PTPN9: variants seen among roughly 807,000 people sequenced by gnomAD.
PTPN9 encodes the protein tyrosine-protein phosphatase non-receptor type 9.
A neutral mutation model predicts 69.8 loss-of-function variants in PTPN9; 26 were observed. The ratio of observed to expected loss-of-function variants is 0.37; its 90% CI spans 0.27 to 0.52. PTPN9 has a LOEUF of 0.52. Ranked by LOEUF, PTPN9 falls within the 20% of genes least tolerant of loss-of-function variation. The pLI, the probability that PTPN9 is intolerant of heterozygous loss-of-function variation, is 0.91. For missense variants in PTPN9, 549 were observed against 740.3 expected, an observed-to-expected ratio of 0.74 and a Z score of 3.00; for synonymous variants, 274 against 272.5, an observed-to-expected ratio of 1.01 and a Z score of -0.05.
At chr15:75,564,332 C>T (rs950061110) in intron 1 of PTPN9, among the ~76,000 whole-genome samples, 2 of 152,128 alleles carry the variant, frequency 1.3e-5, no homozygotes, top group Non-Finnish European at 1.5e-5. Context: ...CGGTGGCTCA[C>T]GCCTGTAATC....
At chr15:75,478,262 C>T (rs548172462) in intron 9 of PTPN9, among the ~76,000 whole-genome samples, 8 of 152,142 alleles carry the variant, frequency 5.3e-5, no homozygotes, top group African/African-American at 1.4e-4. Flanking sequence ...TGTGCCACCA[C>T]GCCCGGCTAA....
At chr15:75,501,205 C>T (rs1013943842) in intron 7 of PTPN9, among the ~76,000 whole-genome samples, 1 of 152,154 alleles carries the variant, frequency 6.6e-6, no homozygotes, top group African/African-American at 2.4e-5. Flanking sequence ...ACACTGACTA[C>T]ACTGGACAGG....
At chr15:75,527,017 G>A in intron 2 of PTPN9, 101 bp downstream of exon 2, 1 of 1,430,206 alleles carries the variant, frequency 7.0e-7, no homozygotes, top group Non-Finnish European at 9.7e-7. Flanking sequence ...TGAAAGTGAG[G>A]AGGAACACTT....
At chr15:75,554,485 C>T (rs936908015) in intron 1 of PTPN9, among the ~76,000 whole-genome samples, 2 of 151,938 alleles carry the variant, frequency 1.3e-5, no homozygotes, top group Non-Finnish European at 2.9e-5. Context: ...TGAGCCACCA[C>T]GCCTGGCCTT....
intron 1 of PTPN9, among the ~76,000 whole-genome samples, chr15:75,552,620 A>G (rs2141335912): frequency 6.6e-6 from 1 of 151,946 alleles, no homozygotes; most frequent in Non-Finnish European, 1.5e-5. Flanking sequence ...TGCGGCTCAG[A>G]TATGAGCTGA....
chr15:75,550,589 A>G (rs2075053010), intron 1 of PTPN9, among the ~76,000 whole-genome samples: 1 of 151,462 alleles, frequency 6.6e-6, no homozygotes, highest in Non-Finnish European at 1.5e-5. Context: ...GGAGTTCCAG[A>G]CCAGCCTGTC....
chr15:75,536,299 C>T (rs1231465352), intron 1 of PTPN9, among the ~76,000 whole-genome samples: 5 of 152,104 alleles, frequency 3.3e-5, no homozygotes, highest in South Asian at 4.1e-4. Flanking sequence ...CTTGGCCTTT[C>T]GCTAAGATCA....
chr15:75,574,276 T>G (rs1464276481), intron 1 of PTPN9, among the ~76,000 whole-genome samples: 1 of 138,386 alleles, frequency 7.2e-6, no homozygotes. Context: ...CAAAGTGAGA[T>G]CCTGTCTCCA....
rs2074537534 is a variant in PTPN9, at chr15:75,466,608, A to T, written c.*2161T>A. 1.3e-5 allele frequency: 2 copies of T among 152,238 alleles called. No individual in the cohort carries two copies. The highest frequency in any genetic ancestry group is 4.8e-5 in the African/African-American group (2 of 41,448). 9.4% of individuals were successfully genotyped at this position (152,238 alleles called of 1,614,324 possible). ...ACCCTTCGCGTCTACTACATGAAGCATGGGCACAAGAACAACAACCTGGAA... is the reference window on the plus strand; with the variant it reads ...ACCCTTCGCGTCTACTACATGAAGCTTGGGCACAAGAACAACAACCTGGAA... On this transcript the variant is annotated 3_prime_UTR_variant, in exon 13 of 13. Coordinates refer to ENST00000618819, the MANE Select transcript of PTPN9 (RefSeq NM_002833.4).
chr15:75,576,679 G>A (rs1281993150), intron 1 of PTPN9, among the ~76,000 whole-genome samples: 1 of 151,550 alleles, frequency 6.6e-6, no homozygotes, highest in African/African-American at 2.4e-5. Context: ...ATGGTGGCAG[G>A]CGCCTGTAAT....
At chr15:75,517,183 C>T (rs2074874893) in intron 5 of PTPN9, 76 bp downstream of exon 5, 27 of 1,116,084 alleles carry the variant, frequency 2.4e-5, no homozygotes, top group Non-Finnish European at 3.4e-5. Flanking sequence ...TTTCCTAAAT[C>T]TTTTCCCAAA....
At chr15:75,544,578 G>A (rs2075023629) in intron 1 of PTPN9, among the ~76,000 whole-genome samples, 1 of 151,902 alleles carries the variant, frequency 6.6e-6, no homozygotes, top group South Asian at 2.1e-4. Flanking sequence ...ACAAAAACAA[G>A]AAGCTCCTCA....
rs1567458643 is a variant in PTPN9, at chr15:75,468,781, C to T, written c.1770G>A (p.Val590=). ...GTTCGTAGGAGAGTTACTGACTCTC[C>T]ACGGCCAGCAGGTTTTGGCCAGAGG... The part of the protein sequence containing the change: ...MVSSGQNLLA[V]ESQ Residue 590 remains valine (V), a synonymous_variant, in exon 13 of 13, where the codon GTG becomes GTA. Transcript: ENST00000618819. 4 of 1,613,730 alleles carry T rather than the reference C, an allele frequency of 2.5e-6. No individual in the cohort carries two copies. The South Asian group carries it at 4.4e-5, about 18-fold the overall frequency.
intron 1 of PTPN9, among the ~76,000 whole-genome samples, chr15:75,576,005 G>A (rs1025385274): frequency 1.3e-5 from 2 of 151,874 alleles, no homozygotes; most frequent in African/African-American, 2.4e-5. Context: ...AGGCCAAGGC[G>A]GGTGGATCAC....
At chr15:75,561,222 G>A (rs573231265) in intron 1 of PTPN9, among the ~76,000 whole-genome samples, 4 of 152,028 alleles carry the variant, frequency 2.6e-5, no homozygotes, top group East Asian at 1.9e-4. Flanking sequence ...GGCTGAGGCA[G>A]GAGAATCGCT....
intron 2 of PTPN9, among the ~76,000 whole-genome samples, chr15:75,525,356 G>C (rs929349290): frequency 4.0e-5 from 6 of 151,494 alleles, no homozygotes; most frequent in African/African-American, 1.5e-4. Flanking sequence ...ACCATGCCTG[G>C]CTAATTTTTG....
At chr15:75,479,018 C>T (rs1304957151) in intron 9 of PTPN9, among the ~76,000 whole-genome samples, 1 of 152,178 alleles carries the variant, frequency 6.6e-6, no homozygotes, top group Non-Finnish European at 1.5e-5. Context: ...CACCTGAAAT[C>T]CTCCTAGAGG....
intron 5 of PTPN9, among the ~76,000 whole-genome samples, chr15:75,513,834 C>T (rs2074855111): frequency 1.3e-5 from 2 of 151,844 alleles, no homozygotes; most frequent in South Asian, 4.1e-4. Context: ...CACGGTGGCT[C>T]ACGTCTTTAA....
intron 1 of PTPN9, among the ~76,000 whole-genome samples, chr15:75,569,526 GA>G (rs2075139662): frequency 6.6e-6 from 1 of 151,848 alleles, no homozygotes. Flanking sequence ...CCAATAAGCT[GA>G]AACCCCATCT....
Sources: allele counts gnomAD v4.1 joint callset (sites outside exome capture counted in the v4.1 genomes callset), GRCh38; gene constraint gnomAD v4.1.1; transcripts MANE v1.5; gene names NCBI Gene and HGNC (gene_info 2026-07-23, HGNC 2026-07-21).